Variants in IFT80 observed in about 807,000 individuals in gnomAD.
The protein encoded by IFT80 is intraflagellar transport protein 80 homolog.
IFT80 carries 79 observed loss-of-function variants against 107.9 expected under a neutral mutation model. The ratio of observed to expected loss-of-function variants is 0.73; its 90% CI spans 0.61 to 0.88. IFT80 has a LOEUF of 0.88. Ranked by LOEUF, IFT80 falls within the 40% of genes least tolerant of loss-of-function variation. The pLI, the probability that IFT80 is intolerant of heterozygous loss-of-function variation, is 0.00. For synonymous variants in IFT80, 299 were observed against 300.9 expected (o/e 0.99, Z 0.07); for missense variants, 797 against 914.2 (o/e 0.87, Z 1.65).
intron 10 of IFT80, among the ~76,000 whole-genome samples, 182 bp from the exon 11 acceptor site, chr3:160,304,171 T>A (rs1354922990): frequency 1.3e-5 from 2 of 152,260 alleles, no homozygotes; most frequent in African/African-American, 4.8e-5. Context: ...TATCCCCAAC[T>A]AAAAAGCAGA....
Position 160,324,822 on chromosome 3 carries a change from A to T in IFT80, c.778-4883T>A, listed in dbSNP as rs561940185. ...AGGAAATAAAGGGTATTCAATTAGG[A>T]AAAGAGGAAGTCAAATTGTCCCTGT... On this transcript the variant is annotated intron_variant, in intron 8 of 19. Coordinates refer to ENST00000326448, the MANE Select transcript of IFT80 (RefSeq NM_020800.3). 4.5e-3 allele frequency among the ~76,000 whole-genome samples: 691 copies of T among 152,212 alleles called. 4 individuals are homozygous for T. Among genetic ancestry groups the T allele is most frequent in the African/African-American group, 0.015 (643 of 41,520 alleles).
chr3:160,335,043 A>G (rs1719361460), intron 8 of IFT80, among the ~76,000 whole-genome samples: 1 of 152,052 alleles, frequency 6.6e-6, no homozygotes, highest in Non-Finnish European at 1.5e-5. Flanking sequence ...TCAAGATAAA[A>G]AACAAACTCA....
chr3:160,355,163 T>C (rs1231158080), intron 8 of IFT80, among the ~76,000 whole-genome samples: 1 of 152,244 alleles, frequency 6.6e-6, no homozygotes, highest in East Asian at 1.9e-4. Context: ...ACAGAATTTG[T>C]ATGAAGGAGG....
At chr3:160,366,278 T>C (rs564999857) in intron 5 of IFT80, 126 bp from the exon 6 acceptor site, 29 of 701,808 alleles carry the variant, frequency 4.1e-5, no homozygotes, top group South Asian at 3.4e-4. Context: ...CTCTTTTCAA[T>C]GGACCTTTCA....
intron 5 of IFT80, among the ~76,000 whole-genome samples, chr3:160,366,471 A>G (rs1721874072): frequency 6.6e-6 from 1 of 152,046 alleles, no homozygotes; most frequent in African/African-American, 2.4e-5. Flanking sequence ...AATATACTTC[A>G]TTTTTAATAT....
At position 160,322,003 on chromosome 3, in the gene IFT80, GTTATTTATTTATTTATTTAT is replaced by G. The variant is rs145027648; in HGVS notation, c.778-2084_778-2065del. Among the ~76,000 whole-genome samples, 893 of 146,472 alleles carry G rather than the reference GTTATTTATTTATTTATTTAT, an allele frequency of 6.1e-3. 3 individuals are homozygous for G. The highest frequency in any genetic ancestry group is 0.014 in the Middle Eastern group (4 of 288). ...CAGTAGAAAGGGTCATTGTCAGCTTGTTATTTATTTATTTATTTATTTATTTATTTATTTATTTATTATTA... is the reference window on the plus strand; with the variant it reads ...CAGTAGAAAGGGTCATTGTCAGCTTGTTATTTATTTATTTATTTATTATTA... On this transcript the variant is annotated intron_variant, in intron 8 of 19. Coordinates refer to ENST00000326448, the MANE Select transcript of IFT80 (RefSeq NM_020800.3).
At chr3:160,296,780 T>A (rs1716015912) in intron 12 of IFT80, among the ~76,000 whole-genome samples, 1 of 152,154 alleles carries the variant, frequency 6.6e-6, no homozygotes, top group Non-Finnish European at 1.5e-5. Flanking sequence ...TAGTCCTCAC[T>A]CTAAGAGTCT....
At chr3:160,365,471 T>C (rs1259778693) in intron 6 of IFT80, among the ~76,000 whole-genome samples, 2 of 152,096 alleles carry the variant, frequency 1.3e-5, no homozygotes, top group African/African-American at 4.8e-5. Context: ...CAAGACCTAG[T>C]CATTTTACAA....
At chr3:160,341,698 G>A (rs776923638) in intron 8 of IFT80, among the ~76,000 whole-genome samples, 4 of 152,070 alleles carry the variant, frequency 2.6e-5, no homozygotes, top group Non-Finnish European at 4.4e-5. Context: ...TCACTTTCCA[G>A]CACATAAACT....
chr3:160,377,751 G>A (rs1019875122), intron 3 of IFT80: 10 of 371,510 alleles, frequency 2.7e-5, no homozygotes, highest in Middle Eastern at 7.7e-4. Context: ...TGCTTACGTG[G>A]TTCAAAATAA....
intron 3 of IFT80, among the ~76,000 whole-genome samples, chr3:160,378,987 CAT>C (rs1306544508): frequency 6.6e-6 from 1 of 152,082 alleles, no homozygotes; most frequent in African/African-American, 2.4e-5. Context: ...AATATTTTTA[CAT>C]AGTCTCAAAG....
chr3:160,368,041 T>C (rs1015437217), intron 5 of IFT80, among the ~76,000 whole-genome samples: 4 of 151,944 alleles, frequency 2.6e-5, no homozygotes, highest in South Asian at 4.1e-4. Context: ...ATTGTAGTAA[T>C]TGACTTTCTG....
In IFT80 at chr3:160,277,367, G is replaced by A. The variant is rs747952085; in HGVS notation, c.2038C>T (p.Leu680Phe). The A allele has an allele frequency of 1.2e-6, 2 of 1,613,586 alleles. No individual in the cohort carries two copies. The highest frequency in any genetic ancestry group is 1.7e-6 in the Non-Finnish European group (2 of 1,179,690). Residue 680 changes from leucine to phenylalanine, a missense_variant, in exon 18 of 20, where the codon CTT becomes TTT. Transcript: ENST00000326448. ...GNIQEAEIVL[L>F]QAGLVYQAIQ... Reference sequence around the variant, plus strand: ...GCTTGATAAACAAGGCCAGCCTGAAGAAGTACTATTTCAGCCTCCTGTATG... The same window carrying A: ...GCTTGATAAACAAGGCCAGCCTGAAAAAGTACTATTTCAGCCTCCTGTATG...
intron 12 of IFT80, among the ~76,000 whole-genome samples, chr3:160,297,639 C>T (rs934114604): frequency 3.3e-5 from 5 of 151,882 alleles, no homozygotes; most frequent in African/African-American, 4.8e-5. Flanking sequence ...TAAAAAAATA[C>T]TATAATAGAA....
chr3:160,397,222 T>C (rs962451048), intron 1 of IFT80, among the ~76,000 whole-genome samples: 4 of 152,214 alleles, frequency 2.6e-5, no homozygotes, highest in African/African-American at 9.6e-5. Context: ...CTTACTGTTA[T>C]ATAGTAACAA....
chr3:160,269,407 A>C (rs575101554), intron 18 of IFT80, among the ~76,000 whole-genome samples: 93 of 152,294 alleles, frequency 6.1e-4, no homozygotes, highest in South Asian at 1.5e-3. Context: ...TGAAAATAAC[A>C]AATTGAGGCT....
At chr3:160,338,275 T>C (rs1467311439) in intron 8 of IFT80, among the ~76,000 whole-genome samples, 6 of 152,150 alleles carry the variant, frequency 3.9e-5, no homozygotes, top group African/African-American at 1.4e-4. Flanking sequence ...AGTGACACCC[T>C]TTCCCCCATT....
At chr3:160,313,670 C>CT in intron 9 of IFT80, among the ~76,000 whole-genome samples, 1 of 148,744 alleles carries the variant, frequency 6.7e-6, no homozygotes, top group Middle Eastern at 3.5e-3. Flanking sequence ...AGTGCAGTGG[C>CT]GTGATCTCAG....
intron 5 of IFT80, among the ~76,000 whole-genome samples, chr3:160,370,718 C>T (rs1210421272): frequency 1.3e-5 from 2 of 152,148 alleles, no homozygotes; most frequent in African/African-American, 2.4e-5. Flanking sequence ...AAGAGATCTC[C>T]ATCACAGAGC....
Sources: allele counts gnomAD v4.1 joint callset (sites outside exome capture counted in the v4.1 genomes callset), GRCh38; gene constraint gnomAD v4.1.1; transcripts MANE v1.5; gene names NCBI Gene and HGNC (gene_info 2026-07-23, HGNC 2026-07-21).